Variants in TTC39C observed in about 807,000 individuals in gnomAD.
TTC39C encodes the protein tetratricopeptide repeat protein 39C.
A neutral mutation model predicts 76.3 loss-of-function variants in TTC39C; 33 were observed. The ratio of observed to expected loss-of-function variants is 0.43; its 90% CI spans 0.33 to 0.58. The LOEUF is 0.58. TTC39C is among the 20% of genes least tolerant of loss of function. The pLI is 0.04. For missense variants in TTC39C, 595 were observed against 701.4 expected (o/e 0.85, Z 1.71); for synonymous variants, 254 against 260.6 (o/e 0.97, Z 0.24).
Position 24,126,142 on chromosome 18 carries a change from A to G in TTC39C, c.1420+592A>G, listed in dbSNP as rs191044734. Among the ~76,000 whole-genome samples, 1,133 of 152,314 alleles carry G rather than the reference A, an allele frequency of 7.4e-3. 8 individuals are homozygous for G. The highest frequency in any genetic ancestry group is 0.049 in the South Asian group (236 of 4,826). On this transcript the variant is annotated intron_variant, in intron 10 of 13. Coordinates refer to ENST00000317571, the MANE Select transcript of TTC39C (RefSeq NM_001135993.2). ...ATCGAGGCTGCAGTGAGCTTTGATC[A>G]TGCCCCACCACTACAGTCTAAATGA...
intron 6 of TTC39C, among the ~76,000 whole-genome samples, chr18:24,111,564 T>C (rs1385365689): frequency 1.8e-5 from 1 of 54,312 alleles, no homozygotes; most frequent in Non-Finnish European, 4.8e-5. Context: ...CGAGACTCTG[T>C]CTAAAAAAAA....
chr18:24,084,482 C>T (rs1446449389), intron 6 of TTC39C, among the ~76,000 whole-genome samples: 2 of 151,008 alleles, frequency 1.3e-5, no homozygotes, highest in African/African-American at 2.5e-5. Context: ...GAGACTCCAT[C>T]TCAAAAATAA....
At chr18:24,047,910 C>A (rs1159762813) in intron 1 of TTC39C, among the ~76,000 whole-genome samples, 2 of 151,888 alleles carry the variant, frequency 1.3e-5, no homozygotes, top group Non-Finnish European at 2.9e-5. Flanking sequence ...ATTTTGTGTG[C>A]CCCATAAATA....
chr18:24,049,357 CTG>C (rs2083921987), intron 1 of TTC39C, among the ~76,000 whole-genome samples: 1 of 152,218 alleles, frequency 6.6e-6, no homozygotes. Flanking sequence ...TCAGCCAGCT[CTG>C]TAACATGGAA....
At chr18:24,090,763 T>C (rs969440074) in intron 6 of TTC39C, among the ~76,000 whole-genome samples, 1 of 151,644 alleles carries the variant, frequency 6.6e-6, no homozygotes, top group African/African-American at 2.4e-5. Flanking sequence ...TCAGTGAGAA[T>C]TGTGAAATAA....
chr18:24,067,126 A>G (rs1773559093), intron 3 of TTC39C, among the ~76,000 whole-genome samples: 1 of 152,242 alleles, frequency 6.6e-6, no homozygotes, highest in Non-Finnish European at 1.5e-5. Flanking sequence ...ATAGCATATG[A>G]AAGCTATTTA....
At chr18:24,046,746 A>G (rs2083890576) in intron 1 of TTC39C, among the ~76,000 whole-genome samples, 1 of 151,876 alleles carries the variant, frequency 6.6e-6, no homozygotes, top group Non-Finnish European at 1.5e-5. Context: ...AACATTTTTA[A>G]GTCTCTTGAA....
chr18:24,055,365 G>T (rs1000617250), intron 1 of TTC39C, among the ~76,000 whole-genome samples: 2 of 152,162 alleles, frequency 1.3e-5, no homozygotes, highest in Non-Finnish European at 2.9e-5. Context: ...GTATGCAAAG[G>T]TTCCAGTTTC....
At chr18:24,061,241 A>ATTTT (rs1175689867) in intron 1 of TTC39C, among the ~76,000 whole-genome samples, 2 of 148,884 alleles carry the variant, frequency 1.3e-5, no homozygotes, top group East Asian at 4.1e-4. Flanking sequence ...TTTTTTTTTA[A>ATTTT]AAAAATAGGT....
At position 24,080,696 on chromosome 18, in the gene TTC39C, C is replaced by G; in HGVS notation, c.572C>G (p.Ser191Cys). 1 of 1,614,070 alleles carries G rather than the reference C, an allele frequency of 6.2e-7. No individual in the cohort carries two copies. The highest frequency in any genetic ancestry group is 8.5e-7 in the Non-Finnish European group (1 of 1,179,958). The stretch of plus-strand genomic sequence containing the variant: ...TATCAGAAGAAGCTAACTGAAGAGT[C>G]CTTGACTTCTGATGCTGCAAATGAT... The part of the protein sequence containing the change: ...ELYQKKLTEE[S>C]LTSDAANDNH... Residue 191 changes from serine to cysteine, a missense_variant, in exon 5 of 14, where the codon TCC becomes TGC. Coordinates refer to ENST00000317571, the MANE Select transcript of TTC39C (RefSeq NM_001135993.2).
At chr18:24,009,703 G>A (rs2083380789) in intron 1 of TTC39C, among the ~76,000 whole-genome samples, 1 of 152,238 alleles carries the variant, frequency 6.6e-6, no homozygotes, top group African/African-American at 2.4e-5. Context: ...TCCCAGGGGA[G>A]GAAAGCGGTG....
rs150365912 is a variant in TTC39C at position 24,017,721 on chromosome 18, CT to C, written c.167+2684del. The stretch of plus-strand genomic sequence containing the variant: ...TGATAAATGTTTGAGGAGCACCCCC[CT>C]GGCTCATTTTATCTACATAACAGGG... On this transcript the variant is annotated intron_variant, in intron 1 of 13. Transcript: ENST00000317571. Among the ~76,000 whole-genome samples, 199 of 152,342 alleles carry C rather than the reference CT, an allele frequency of 1.3e-3. 1 individual carries two copies. The East Asian group carries it at 0.025, about 19-fold the overall frequency.
At chr18:24,028,920 A>C (rs1327385641) in intron 1 of TTC39C, among the ~76,000 whole-genome samples, 3 of 151,462 alleles carry the variant, frequency 2.0e-5, no homozygotes, top group Non-Finnish European at 4.4e-5. Flanking sequence ...ACGGGGTTTC[A>C]CCATATTGAT....
chr18:24,069,141 T>A lies in TTC39C; in HGVS notation c.346-16T>A. Reference sequence around the variant, plus strand: ...ATGTGTGATTTATCAGTGTGGACATTCTTTCTGCCAAACAGGTTGATGTCC... The same window carrying A: ...ATGTGTGATTTATCAGTGTGGACATACTTTCTGCCAAACAGGTTGATGTCC... On this transcript the variant is annotated splice_polypyrimidine_tract_variant and intron_variant, in intron 3 of 13. Transcript: ENST00000317571. 6.3e-7 allele frequency: 1 copy of A among 1,599,202 alleles called. No homozygotes were observed. Among genetic ancestry groups the A allele is most frequent in the South Asian group, 1.1e-5 (1 of 90,742 alleles).
intron 6 of TTC39C, among the ~76,000 whole-genome samples, chr18:24,086,334 A>G (rs142244432): frequency 1.3e-5 from 2 of 152,288 alleles, no homozygotes; most frequent in African/African-American, 4.8e-5. Flanking sequence ...GACTGTCTCA[A>G]TCTGTGCCCG....
intron 10 of TTC39C, among the ~76,000 whole-genome samples, chr18:24,127,683 AT>A (rs997433211): frequency 2.0e-5 from 3 of 152,062 alleles, no homozygotes; most frequent in Non-Finnish European, 4.4e-5. Context: ...ACACCCAGCT[AT>A]TAAAAAAAAA....
chr18:24,038,055 G>A (rs1366842671), intron 1 of TTC39C, among the ~76,000 whole-genome samples: 7 of 152,136 alleles, frequency 4.6e-5, no homozygotes, highest in African/African-American at 1.7e-4. Context: ...TGTATCTAGT[G>A]GCACCATTTA....
rs938251009 is a variant in TTC39C at position 24,022,792 on chromosome 18, C to T, written c.167+7754C>T. ...GTGGCCCTGTCTGCTTCCTGTCCTG[C>T]TGCCCTTGTCCCTTCCATGCTAGTT... On this transcript the variant is annotated intron_variant, in intron 1 of 13. Transcript: ENST00000317571. The T allele has an allele frequency of 4.1e-6, 4 of 985,296 alleles. No homozygotes were observed. In the African/African-American group the frequency reaches 5.2e-5, roughly 13 times the overall value. The allele number at this position is 985,296 out of a possible 1,614,324, so 61.0% of individuals were successfully genotyped here. A position where few individuals can be genotyped will look rare whatever the true frequency, so the allele number is the denominator to read the frequency against.
At chr18:24,101,798 A>G (rs867768768) in intron 6 of TTC39C, among the ~76,000 whole-genome samples, 2 of 152,120 alleles carry the variant, frequency 1.3e-5, no homozygotes, top group Non-Finnish European at 2.9e-5. Flanking sequence ...CTGTATTTCT[A>G]TGATTTTTGT....
Sources: allele counts gnomAD v4.1 joint callset (sites outside exome capture counted in the v4.1 genomes callset), GRCh38; gene constraint gnomAD v4.1.1; transcripts MANE v1.5; gene names NCBI Gene and HGNC (gene_info 2026-07-23, HGNC 2026-07-21).